RNF25: variants seen among roughly 807,000 people sequenced by gnomAD.
The protein encoded by RNF25 is ring finger protein 25.
Under a neutral mutation model 65.0 loss-of-function variants are expected in RNF25, and 32 were observed. That is an observed-to-expected ratio of 0.49 (90% CI 0.37 to 0.66). The LOEUF (loss-of-function observed/expected upper bound fraction) is 0.66. RNF25 is among the 30% of genes least tolerant of loss of function. The pLI, the probability that RNF25 is intolerant of heterozygous loss-of-function variation, is 0.00. For synonymous variants in RNF25, 207 were observed against 221.2 expected, an observed-to-expected ratio of 0.94 and a Z score of 0.57; for missense variants, 493 against 584.8, an observed-to-expected ratio of 0.84 and a Z score of 1.62.
chr2:218,668,554 C>G (rs1939886016), intron 2 of RNF25, 51 bp downstream of exon 2: 2 of 1,322,032 alleles, frequency 1.5e-6, no homozygotes, highest in Non-Finnish European at 1.1e-6. Context: ...CAGCATAGAA[C>G]CTCTCCTCAT....
chr2:218,669,310 G>A (rs1939899643), intron 1 of RNF25, among the ~76,000 whole-genome samples: 1 of 152,228 alleles, frequency 6.6e-6, no homozygotes, highest in South Asian at 2.1e-4. Context: ...GTAAGCTTAA[G>A]TTATCCTGTC....
Position 218,668,116 on chromosome 2 carries a change from G to A in RNF25, c.250C>T (p.Arg84Ter), listed in dbSNP as rs1460380408. ...YPHEVPQISI[R>*]NPRGLSDEQI... ...TCATCTGAAAGTCCTCGGGGATTTC[G>A]GATAGAGATCTGTGGCACCTCATGG... Residue 84 changes from arginine (R) to a stop codon, truncating the protein, a stop_gained, in exon 4 of 10, where the codon CGA becomes TGA. Transcript: ENST00000295704. LOFTEE classifies it high-confidence loss of function. The A allele has an allele frequency of 6.2e-7, 1 of 1,614,102 alleles. No homozygotes were observed. The highest frequency in any genetic ancestry group is 8.5e-7 in the Non-Finnish European group (1 of 1,180,002).
chr2:218,665,221 C>G lies in RNF25; in HGVS notation c.600G>C (p.Val200=). Residue 200 remains valine (V), a synonymous_variant, in exon 8 of 10, where the codon GTG becomes GTC. Coordinates refer to ENST00000295704, the MANE Select transcript of RNF25 (RefSeq NM_022453.3). ...GATCATACACGAGGGGCTCTCTGCA[C>G]ACTGGACACTGCACACCGACTGCCT... The part of the protein sequence containing the change: ...KQKAVGVQCP[V]CREPLVYDLA... The G allele has an allele frequency of 6.2e-7, 1 of 1,614,198 alleles. No individual in the cohort carries two copies. Among genetic ancestry groups the G allele is most frequent in the Non-Finnish European group, 8.5e-7 (1 of 1,180,022 alleles).
Sources: allele counts gnomAD v4.1 joint callset (sites outside exome capture counted in the v4.1 genomes callset), GRCh38; gene constraint gnomAD v4.1.1; transcripts MANE v1.5; gene names NCBI Gene and HGNC (gene_info 2026-07-23, HGNC 2026-07-21).